Variants in PLCE1 observed in about 807,000 individuals in gnomAD.
The protein encoded by PLCE1 is phospholipase C epsilon 1, also known as 1-phosphatidylinositol 4,5-bisphosphate phosphodiesterase epsilon-1.
Under a neutral mutation model 242.8 loss-of-function variants are expected in PLCE1, and 119 were observed. The observed-to-expected ratio is 0.49, with a 90% confidence interval of 0.42 to 0.57. The LOEUF (loss-of-function observed/expected upper bound fraction) is 0.57. Ranked by LOEUF, PLCE1 falls within the 20% of genes least tolerant of loss-of-function variation. PLCE1 has a pLI of 0.00. For synonymous variants in PLCE1, 945 were observed against 1,017.4 expected (o/e 0.93, Z 1.35); for missense variants, 2,441 against 2,788.8 (o/e 0.88, Z 2.81).
At chr10:94,240,064 G>A (rs754503827) in intron 7 of PLCE1, among the ~76,000 whole-genome samples, 9 of 152,074 alleles carry the variant, frequency 5.9e-5, no homozygotes, top group Non-Finnish European at 8.8e-5. Context: ...GACCCAACAT[G>A]ATTTGTAACA....
chr10:94,315,555 G>A (rs926129256), intron 28 of PLCE1: 1 of 453,414 alleles, frequency 2.2e-6, no homozygotes, highest in East Asian at 7.0e-5. Context: ...GATCACTTGA[G>A]GTCAGGAATT....
intron 4 of PLCE1, among the ~76,000 whole-genome samples, chr10:94,193,461 T>C (rs1157089750): frequency 6.6e-6 from 1 of 152,208 alleles, no homozygotes; most frequent in Non-Finnish European, 1.5e-5. Context: ...ATAAAAGCTT[T>C]TCTTGTGTTT....
chr10:94,132,483 A>G (rs778894916), intron 3 of PLCE1, 24 bp downstream of exon 3: 2 of 1,607,436 alleles, frequency 1.2e-6, no homozygotes, highest in Admixed American at 1.7e-5. Flanking sequence ...TTTCACTTTT[A>G]ACTTTCTATC....
intron 2 of PLCE1, among the ~76,000 whole-genome samples, chr10:94,071,495 G>GGTTTTT (rs2044351689): frequency 3.6e-5 from 3 of 83,316 alleles, no homozygotes; most frequent in Non-Finnish European, 6.3e-5. Context: ...TTTGGTTTTC[G>GGTTTTT]TTTTTTTTTT....
intron 3 of PLCE1, among the ~76,000 whole-genome samples, chr10:94,146,055 G>T (rs1187660283): frequency 6.6e-6 from 1 of 152,176 alleles, no homozygotes; most frequent in East Asian, 1.9e-4. Context: ...TTTGGAGAAT[G>T]AGGTGAAAAT....
intron 2 of PLCE1, among the ~76,000 whole-genome samples, chr10:94,054,482 A>T (rs2043847531): frequency 6.6e-6 from 1 of 152,296 alleles, no homozygotes; most frequent in South Asian, 2.1e-4. Context: ...TTTCTGGAAT[A>T]GTTGGAGGGC....
At chr10:94,177,244 A>G (rs1159987111) in intron 4 of PLCE1, among the ~76,000 whole-genome samples, 16 of 152,226 alleles carry the variant, frequency 1.1e-4, no homozygotes, top group Non-Finnish European at 4.4e-5. Flanking sequence ...TTCAGCTTAC[A>G]TTAATGAAGG....
chr10:94,212,883 T>C (rs556615331), intron 4 of PLCE1, among the ~76,000 whole-genome samples: 2 of 152,318 alleles, frequency 1.3e-5, no homozygotes, highest in South Asian at 2.1e-4. Context: ...GTGGGAATAA[T>C]TCAAAATTGG....
intron 2 of PLCE1, among the ~76,000 whole-genome samples, chr10:94,117,916 C>T (rs2046182996): frequency 6.6e-6 from 1 of 152,202 alleles, no homozygotes; most frequent in African/African-American, 2.4e-5. Context: ...AATAGAGCTT[C>T]ATACCATTAT....
chr10:94,289,429 A>G (rs2052571353), intron 22 of PLCE1, among the ~76,000 whole-genome samples: 1 of 152,204 alleles, frequency 6.6e-6, no homozygotes, highest in African/African-American at 2.4e-5. Context: ...GTAATGCATC[A>G]CTTAATCAGG....
chr10:94,112,889 G>A (rs1224129152), intron 2 of PLCE1, among the ~76,000 whole-genome samples: 1 of 152,120 alleles, frequency 6.6e-6, no homozygotes, highest in Non-Finnish European at 1.5e-5. Context: ...TATTTAACTC[G>A]ATCAACCCCC....
intron 4 of PLCE1, among the ~76,000 whole-genome samples, chr10:94,207,215 C>T (rs1403180149): frequency 6.6e-6 from 1 of 152,046 alleles, no homozygotes; most frequent in Non-Finnish European, 1.5e-5. Flanking sequence ...GGAGCGTGCC[C>T]CCAGCATGCA....
At chr10:94,228,288 AG>A (rs2050017881) in intron 5 of PLCE1, among the ~76,000 whole-genome samples, 1 of 152,228 alleles carries the variant, frequency 6.6e-6, no homozygotes, top group African/African-American at 2.4e-5. Flanking sequence ...GAAGAGCATG[AG>A]TTCTTAAGTT....
intron 4 of PLCE1, among the ~76,000 whole-genome samples, chr10:94,220,389 TA>T (rs2049695179): frequency 8.5e-6 from 1 of 117,640 alleles, no homozygotes; most frequent in Non-Finnish European, 1.8e-5. Flanking sequence ...TATATATATA[TA>T]TATATATATA....
intron 4 of PLCE1, among the ~76,000 whole-genome samples, chr10:94,213,849 C>T (rs2049424376): frequency 6.6e-6 from 1 of 152,192 alleles, no homozygotes. Context: ...CATACTACTC[C>T]TCTCCAAGCA....
intron 2 of PLCE1, among the ~76,000 whole-genome samples, chr10:94,049,801 A>G (rs1042398933): frequency 6.6e-6 from 1 of 152,162 alleles, no homozygotes; most frequent in Non-Finnish European, 1.5e-5. Flanking sequence ...CACAAAACAA[A>G]CTAATATTGT....
chr10:94,069,312 C>T (rs2044286275), intron 2 of PLCE1, among the ~76,000 whole-genome samples: 1 of 152,146 alleles, frequency 6.6e-6, no homozygotes, highest in African/African-American at 2.4e-5. Context: ...AGAAACTCTA[C>T]CGAGGGACCA....
At chr10:94,079,119 T>G (rs1238496218) in intron 2 of PLCE1, among the ~76,000 whole-genome samples, 1 of 152,150 alleles carries the variant, frequency 6.6e-6, no homozygotes, top group Non-Finnish European at 1.5e-5. Context: ...TACAAAATTT[T>G]TGAGAAAAAA....
intron 28 of PLCE1, among the ~76,000 whole-genome samples, chr10:94,315,771 A>C (rs2053548852): frequency 1.3e-4 from 1 of 7,824 alleles, no homozygotes. Context: ...CTCTGTCTCA[A>C]AAAAAAAAAA....
Sources: gnomAD v4.1 joint callset for allele counts (sites outside exome capture counted in the v4.1 genomes callset) on GRCh38, gnomAD v4.1.1 for gene constraint, MANE v1.5 for transcripts, NCBI Gene and HGNC (gene_info 2026-07-23, HGNC 2026-07-21) for gene names.